Variants in DENND2D observed in about 807,000 individuals in gnomAD.
The protein encoded by DENND2D is DENN domain containing 2D, also known as DENN domain-containing protein 2D.
DENND2D carries 37 observed loss-of-function variants against 59.8 expected under a neutral mutation model. The ratio of observed to expected loss-of-function variants is 0.62; its 90% CI spans 0.48 to 0.81. The LOEUF (loss-of-function observed/expected upper bound fraction) is 0.81. Among genes scored for constraint, DENND2D ranks in the 40% least tolerant of loss-of-function variants. DENND2D has a pLI of 0.00. For missense variants in DENND2D, 525 were observed against 579.7 expected (o/e 0.91, Z 0.97); for synonymous variants, 219 against 211.3 (o/e 1.04, Z -0.31).
intron 7 of DENND2D, 103 bp downstream of exon 7, chr1:111,194,475 G>T: frequency 7.6e-7 from 1 of 1,323,736 alleles, no homozygotes; most frequent in Non-Finnish European, 1.0e-6. Flanking sequence ...GAGGGTGGGC[G>T]CATGGACCCT....
chr1:111,199,337 T>C (rs960950705), intron 2 of DENND2D, among the ~76,000 whole-genome samples: 1 of 152,094 alleles, frequency 6.6e-6, no homozygotes, highest in Non-Finnish European at 1.5e-5. Context: ...GAAAATGGGA[T>C]TTGGAAGACC....
At chr1:111,200,880 A>C, upstream of DENND2D, 1 of 286,170 alleles carries the variant, frequency 3.5e-6, no homozygotes, top group Non-Finnish European at 6.1e-6. Flanking sequence ...ACAGTGGACA[A>C]TGCTTGATAG....
chr1:111,195,774 G>A, intron 6 of DENND2D, 142 bp downstream of exon 6: 1 of 1,211,670 alleles, frequency 8.3e-7, no homozygotes. Flanking sequence ...TTTCAGCTTT[G>A]TCCATTCTAA....
At position 111,189,139 on chromosome 1, in the gene DENND2D, A is replaced by T. The variant is rs1315248765; in HGVS notation, c.1014+73T>A. 4 of 1,526,576 alleles carry T rather than the reference A, an allele frequency of 2.6e-6. No homozygotes were observed. In the African/African-American group the frequency reaches 5.5e-5, roughly 21 times the overall value. 94.6% of individuals were successfully genotyped at this position (1,526,576 alleles called of 1,614,324 possible). ...AAGAACTTAAATGTTTGTTTAAATA[A>T]GTGGAACATGGATGAAACTAGAGTG... is the stretch of plus-strand genomic sequence containing the variant. On this transcript the variant is annotated intron_variant, in intron 9 of 11. Transcript: ENST00000357640.
chr1:111,187,993 G>T, intron 11 of DENND2D, 138 bp downstream of exon 11: 1 of 1,300,434 alleles, frequency 7.7e-7, no homozygotes, highest in Non-Finnish European at 1.0e-6. Context: ...TTCAGGTTAT[G>T]TCATTTCAAC....
At chr1:111,203,876 C>A (rs947522426), upstream of DENND2D, among the ~76,000 whole-genome samples, 1 of 152,116 alleles carries the variant, frequency 6.6e-6, no homozygotes, top group Non-Finnish European at 1.5e-5. Context: ...GGGCAAAGAC[C>A]ACGGAGGACT....
At chr1:111,189,471 G>A (rs1657526641) in intron 8 of DENND2D, 1 of 576,752 alleles carries the variant, frequency 1.7e-6, no homozygotes, top group Admixed American at 3.2e-5. Flanking sequence ...GGTGTTTGTA[G>A]GAAGGGAGTA....
intron 4 of DENND2D, 57 bp downstream of exon 4, chr1:111,197,863 C>T: frequency 6.2e-7 from 1 of 1,610,620 alleles, no homozygotes; most frequent in Non-Finnish European, 8.5e-7. Context: ...TGAGCAAGCC[C>T]AGCCGTGGAG....
At chr1:111,197,534 G>C in intron 4 of DENND2D, 1 of 1,384,636 alleles carries the variant, frequency 7.2e-7, no homozygotes, top group Non-Finnish European at 9.4e-7. Context: ...TGGCTAAGGA[G>C]GAAAGCACTG....
rs626339 is a variant in DENND2D, at chr1:111,186,703, T to C, written c.*902A>G. ...AGTGCAGCGATCCCTTCACCTTTAG[T>C]TAAAGAATTGGACTGTGCTGCTCAA... is the stretch of plus-strand genomic sequence containing the variant. On this transcript the variant is annotated 3_prime_UTR_variant, in exon 12 of 12. Coordinates refer to ENST00000357640, the MANE Select transcript of DENND2D (RefSeq NM_024901.5). Among the ~76,000 whole-genome samples, 69,022 of 151,914 alleles carry C rather than the reference T, an allele frequency of 0.45. 16,493 individuals are homozygous for C. The highest frequency in any genetic ancestry group is 0.59 in the African/African-American group (24,431 of 41,396).
rs530763882 is a variant in DENND2D at position 111,197,268 on chromosome 1, A to G, written c.427-15T>C. 6.2e-7 allele frequency: 1 copy of G among 1,608,106 alleles called. No homozygotes were observed. ...GGGCCGGCAGGCTGGGGAGGGACAG[A>G]GAGGCTCCTTCAGTGCTGCAGCCTC... On this transcript the variant is annotated splice_polypyrimidine_tract_variant and intron_variant, in intron 4 of 11. Transcript: ENST00000357640.
Position 111,189,195 on chromosome 1 carries a change from T to C in DENND2D, c.1014+17A>G. Reference sequence around the variant, plus strand: ...GTTGTTGATAGGCCTGCAGGGGATCTGAACCCAGACACTTACCGACATTAA... The same window carrying C: ...GTTGTTGATAGGCCTGCAGGGGATCCGAACCCAGACACTTACCGACATTAA... On this transcript the variant is annotated intron_variant, in intron 9 of 11. Coordinates refer to ENST00000357640, the MANE Select transcript of DENND2D (RefSeq NM_024901.5). 1 of 1,614,170 alleles carries C rather than the reference T, an allele frequency of 6.2e-7. No homozygotes were observed. Among genetic ancestry groups the C allele is most frequent in the East Asian group, 2.2e-5 (1 of 44,886 alleles).
At chr1:111,199,547 A>G (rs1423958518) in intron 2 of DENND2D, 76 bp downstream of exon 2, 1 of 1,489,762 alleles carries the variant, frequency 6.7e-7, no homozygotes, top group African/African-American at 1.4e-5. Context: ...AGGGAGAAGG[A>G]GGTGGAACCC....
rs188398528 is a variant in DENND2D at position 111,188,098 on chromosome 1, A to C, written c.1339+33T>G. On this transcript the variant is annotated intron_variant, in intron 11 of 11. Coordinates refer to ENST00000357640, the MANE Select transcript of DENND2D (RefSeq NM_024901.5). Reference sequence around the variant, plus strand: ...CTCTTTATTCTAGAGGTAACCCTCTATGGGCTTAGACTGATGGGGACTGTT... The same window carrying C: ...CTCTTTATTCTAGAGGTAACCCTCTCTGGGCTTAGACTGATGGGGACTGTT... 142 of 1,611,988 alleles carry C rather than the reference A, an allele frequency of 8.8e-5. No individual in the cohort carries two copies. The African/African-American group carries it at 1.6e-3, about 19-fold the overall frequency.
chr1:111,203,693 G>A (rs1468448224), upstream of DENND2D, among the ~76,000 whole-genome samples: 1 of 152,238 alleles, frequency 6.6e-6, no homozygotes, highest in African/African-American at 2.4e-5. Context: ...CTGTCTGGGC[G>A]ACACGCTGGA....
At chr1:111,202,634 T>C (rs1658915031), upstream of DENND2D, among the ~76,000 whole-genome samples, 1 of 149,874 alleles carries the variant, frequency 6.7e-6, no homozygotes, top group Non-Finnish European at 1.5e-5. Flanking sequence ...AGCTGGCCCA[T>C]CCCTTCCAGC....
Position 111,192,196 on chromosome 1 carries a change from T to C in DENND2D, c.916A>G (p.Met306Val), listed in dbSNP as rs1009943668. Residue 306 changes from methionine (M) to valine (V), a missense_variant, in exon 8 of 12, where the codon ATG (methionine) becomes GTG (valine). Transcript: ENST00000357640. ...TGGAAGCGCATTTGTACTCCAACCA[T>C]GAAGGGGGTGGGGCAGCAGACGGTG... ...LATVCCPTPF[M>V]VGVQMRFQQE... 11 of 1,613,642 alleles carry C rather than the reference T, an allele frequency of 6.8e-6. No homozygotes were observed. The highest frequency in any genetic ancestry group is 6.8e-6 in the Non-Finnish European group (8 of 1,179,790).
At chr1:111,200,683 CAG>C, upstream of DENND2D, 1 of 1,323,018 alleles carries the variant, frequency 7.6e-7, no homozygotes, top group South Asian at 1.5e-5. Context: ...CCAGCACCAA[CAG>C]AGTCAGCATC....
intron 2 of DENND2D, among the ~76,000 whole-genome samples, chr1:111,199,038 G>A (rs887196138): frequency 2.0e-5 from 3 of 152,226 alleles, no homozygotes; most frequent in African/African-American, 7.2e-5. Context: ...GTTGAATATA[G>A]AAAGGCCCTG....
Sources: gnomAD v4.1 joint callset for allele counts (sites outside exome capture counted in the v4.1 genomes callset) on GRCh38, gnomAD v4.1.1 for gene constraint, MANE v1.5 for transcripts, NCBI Gene and HGNC (gene_info 2026-07-23, HGNC 2026-07-21) for gene names.